ZAP70: variants seen among roughly 807,000 people sequenced by gnomAD.
ZAP70 encodes the protein tyrosine-protein kinase ZAP-70.
In ZAP70, 27 loss-of-function variants were observed where a neutral mutation model predicts 65.8. That is an observed-to-expected ratio of 0.41 (90% confidence interval 0.30 to 0.57). The LOEUF (loss-of-function observed/expected upper bound fraction) is 0.57, where lower values mean the gene tolerates loss of function less well. Among genes scored for constraint, ZAP70 ranks in the 20% least tolerant of loss-of-function variants. The probability of loss-of-function intolerance (pLI) is 0.28; values close to 1 mark genes in which losing one functional copy is unlikely to be tolerated. For missense variants in ZAP70, 696 were observed against 870.5 expected (o/e 0.80, Z 2.52); for synonymous variants, 363 against 360.8 (o/e 1.01, Z -0.07).
chr2:97,744,610 C>A (rs1678205040), downstream of ZAP70, among the ~76,000 whole-genome samples: 1 of 152,134 alleles, frequency 6.6e-6, no homozygotes, highest in African/African-American at 2.4e-5. Context: ...GATAGCTGAT[C>A]CATCAAATTC....
chr2:97,743,362 T>G (rs1448193012), downstream of ZAP70, among the ~76,000 whole-genome samples: 1 of 152,226 alleles, frequency 6.6e-6, no homozygotes, highest in Non-Finnish European at 1.5e-5. Context: ...TGAGATAAAG[T>G]TTTGCTCTTG....
chr2:97,751,290 GGT>G, the ZAP70 span, among the ~76,000 whole-genome samples: 152 of 152,242 alleles, frequency 1.0e-3, 1 homozygote, highest in East Asian at 0.015. Context: ...CGTAGAGGCG[GGT>G]GTGTTTTGGA....
At chr2:97,721,886 A>G (rs1332640520) in intron 2 of ZAP70, among the ~76,000 whole-genome samples, 1 of 149,390 alleles carries the variant, frequency 6.7e-6, no homozygotes, top group Non-Finnish European at 1.5e-5. Context: ...TCCCAGGTTC[A>G]AGCAATTCTG....
the ZAP70 span, among the ~76,000 whole-genome samples, chr2:97,750,351 G>A: frequency 9.8e-5 from 15 of 152,350 alleles, no homozygotes; most frequent in Non-Finnish European, 2.2e-4. Context: ...TAGGATGTGG[G>A]CCTTGGTTAT....
intron 4 of ZAP70, among the ~76,000 whole-genome samples, chr2:97,730,885 C>T (rs913628347): frequency 6.6e-6 from 1 of 151,988 alleles, no homozygotes. Flanking sequence ...GAAACCCCAT[C>T]TCTACTAAAA....
chr2:97,730,236 A>G (rs1268301016), intron 4 of ZAP70, among the ~76,000 whole-genome samples: 1 of 152,222 alleles, frequency 6.6e-6, no homozygotes, highest in African/African-American at 2.4e-5. Flanking sequence ...CCAAACAAAC[A>G]AACAAACACC....
chr2:97,742,469 C>G (rs551368832), downstream of ZAP70, among the ~76,000 whole-genome samples: 13 of 152,378 alleles, frequency 8.5e-5, no homozygotes, highest in South Asian at 2.5e-3. Flanking sequence ...CCATCCTCTG[C>G]TCTGAGCAAA....
chr2:97,745,064 A>C, the ZAP70 span, among the ~76,000 whole-genome samples: 1 of 152,192 alleles, frequency 6.6e-6, no homozygotes, highest in Non-Finnish European at 1.5e-5. Context: ...TTTGAGACGG[A>C]GTCTCGCTCT....
chr2:97,751,912 A>G, the ZAP70 span, among the ~76,000 whole-genome samples: 13 of 152,218 alleles, frequency 8.5e-5, no homozygotes, highest in Admixed American at 7.2e-4. Context: ...CAAGCCATTC[A>G]CGAGGGCTCC....
the ZAP70 span, among the ~76,000 whole-genome samples, chr2:97,747,977 T>C: frequency 6.6e-6 from 1 of 152,106 alleles, no homozygotes; most frequent in Non-Finnish European, 1.5e-5. Context: ...TTAGTCTTTG[T>C]AATGCATCTT....
intron 4 of ZAP70, chr2:97,732,582 C>T (rs1677652390): frequency 4.1e-6 from 2 of 492,702 alleles, no homozygotes; most frequent in South Asian, 2.1e-5. Flanking sequence ...TCCCCTCCTC[C>T]GTGGCTGGGT....
Position 97,716,580 on chromosome 2 carries a change from G to T in ZAP70, c.-22+2586G>T, listed in dbSNP as rs547812946. On this transcript the variant is annotated intron_variant, in intron 2 of 13. Transcript: ENST00000264972. ...CTTAGGCAGAGACCTGAATAAAGTG[G>T]AAGGTGTTGGAGGAAGAGTCTCCAG... 4.6e-5 allele frequency among the ~76,000 whole-genome samples: 7 copies of T among 152,296 alleles called. No homozygotes were observed. In the East Asian group the frequency reaches 1.4e-3, roughly 29 times the overall value.
chr2:97,746,903 A>G, the ZAP70 span, among the ~76,000 whole-genome samples: 1 of 152,260 alleles, frequency 6.6e-6, no homozygotes, highest in South Asian at 2.1e-4. Context: ...TAAGTAAAAA[A>G]TGGACAAAGG....
rs1217250981 is a variant in ZAP70, at chr2:97,736,420, C to T, written c.1289+964C>T. On this transcript the variant is annotated intron_variant, in intron 10 of 13. Coordinates refer to ENST00000264972, the MANE Select transcript of ZAP70 (RefSeq NM_001079.4). The surrounding 1 kb of genome is among the most constrained non-coding windows in gnomAD (Gnocchi z 4.0). ...CCAGTGTGCCCCTGGCTCCCACATT[C>T]AGTCATTTGACAGGTGTTTATTGGA... is the stretch of plus-strand genomic sequence containing the variant. Among the ~76,000 whole-genome samples, 1 of 152,202 alleles carries T rather than the reference C, an allele frequency of 6.6e-6. No individual in the cohort carries two copies. The highest frequency in any genetic ancestry group is 1.5e-5 in the Non-Finnish European group (1 of 68,038).
At chr2:97,719,328 A>C (rs1573252622) in intron 2 of ZAP70, among the ~76,000 whole-genome samples, 1 of 128,656 alleles carries the variant, frequency 7.8e-6, no homozygotes, top group Middle Eastern at 3.8e-3. Flanking sequence ...TGACAGGATG[A>C]CCCAAGTAAG....
chr2:97,745,096 T>TGGTG, the ZAP70 span, among the ~76,000 whole-genome samples: 1 of 152,232 alleles, frequency 6.6e-6, no homozygotes, highest in East Asian at 1.9e-4. Flanking sequence ...TGGACTGCAG[T>TGGTG]GGTGCAATCT....
At chr2:97,724,973 A>C in intron 3 of ZAP70, 119 bp from the exon 4 acceptor site, 1 of 1,544,558 alleles carries the variant, frequency 6.5e-7, no homozygotes, top group Non-Finnish European at 8.7e-7. Flanking sequence ...AACCTGCCTA[A>C]CACGCGCTAG....
At position 97,739,684 on chromosome 2, in the gene ZAP70, G is replaced by A. The variant is rs1302710415; in HGVS notation, c.*186G>A. ...GCCCCCTGTCCTCTCTGGCTGGGGA[G>A]CAGGGAGGTCCGGGAGGGTGCGGCT... On this transcript the variant is annotated 3_prime_UTR_variant, in exon 14 of 14. Transcript: ENST00000264972. 2 of 982,762 alleles carry A rather than the reference G, an allele frequency of 2.0e-6. No individual in the cohort carries two copies. The highest frequency in any genetic ancestry group is 1.6e-5 in the African/African-American group (1 of 62,008). 60.9% of individuals were successfully genotyped at this position (982,762 alleles called of 1,614,324 possible).
chr2:97,723,229 T>G (rs1428420207), intron 2 of ZAP70, among the ~76,000 whole-genome samples: 1 of 152,240 alleles, frequency 6.6e-6, no homozygotes, highest in Non-Finnish European at 1.5e-5. Context: ...GGGATGGATA[T>G]TCCAATTAGC....
Sources: allele counts gnomAD v4.1 joint callset (sites outside exome capture counted in the v4.1 genomes callset), GRCh38; gene constraint gnomAD v4.1.1; non-coding constraint Gnocchi (gnomAD v3.1); transcripts MANE v1.5; gene names NCBI Gene and HGNC (gene_info 2026-07-23, HGNC 2026-07-21).